Variants in RALGAPA2 observed in about 807,000 individuals in gnomAD.
The protein encoded by RALGAPA2 is Ral GTPase activating protein catalytic subunit alpha 2.
In RALGAPA2, 139 loss-of-function variants were observed where a neutral mutation model predicts 230.4. That is an observed-to-expected ratio of 0.60 (90% CI 0.53 to 0.69). The LOEUF (loss-of-function observed/expected upper bound fraction) is 0.69. Ranked by LOEUF, RALGAPA2 falls within the 30% of genes least tolerant of loss-of-function variation. The pLI is 0.00. For synonymous variants in RALGAPA2, 847 were observed against 837.8 expected, an observed-to-expected ratio of 1.01 and a Z score of -0.19; for missense variants, 2,163 against 2,276.0, an observed-to-expected ratio of 0.95 and a Z score of 1.01.
At chr20:20,577,675 T>C (rs751059478) in intron 20 of RALGAPA2, among the ~76,000 whole-genome samples, 1 of 152,152 alleles carries the variant, frequency 6.6e-6, no homozygotes, top group Non-Finnish European at 1.5e-5. Context: ...TGAAAAGGTA[T>C]GCTGAAGCAT....
At chr20:20,586,653 T>C (rs1160237813) in intron 18 of RALGAPA2, among the ~76,000 whole-genome samples, 2 of 152,164 alleles carry the variant, frequency 1.3e-5, no homozygotes, top group African/African-American at 4.8e-5. Context: ...AATTACAAGA[T>C]ATGCTTGAAA....
At chr20:20,532,374 C>G (rs1323972112) in intron 26 of RALGAPA2, among the ~76,000 whole-genome samples, 1 of 152,130 alleles carries the variant, frequency 6.6e-6, no homozygotes, top group Non-Finnish European at 1.5e-5. Context: ...TTTAACTACA[C>G]AGAAATTTGG....
intron 3 of RALGAPA2, among the ~76,000 whole-genome samples, chr20:20,671,503 T>A (rs1456401389): frequency 1.3e-5 from 2 of 152,218 alleles, no homozygotes; most frequent in African/African-American, 4.8e-5. Flanking sequence ...GGCACTATCC[T>A]ACAAAGCAGC....
chr20:20,393,131 A>G lies in RALGAPA2; in HGVS notation c.*158T>C, dbSNP rs568023668. ...GAAGACCTGCTGAGGGCACTAGTACAGCAACGAAATTTCCTGGAGATTCTG... is the reference window on the plus strand; with the variant it reads ...GAAGACCTGCTGAGGGCACTAGTACGGCAACGAAATTTCCTGGAGATTCTG... On this transcript the variant is annotated 3_prime_UTR_variant, in exon 40 of 40. Coordinates refer to ENST00000202677, the MANE Select transcript of RALGAPA2 (RefSeq NM_020343.4). 9.6e-6 allele frequency: 13 copies of G among 1,360,810 alleles called. No homozygotes were observed. In the African/African-American group the frequency reaches 1.8e-4, roughly 19 times the overall value. The allele number at this position is 1,360,810 out of a possible 1,614,324, so 84.3% of individuals were successfully genotyped here.
At chr20:20,651,447 A>T (rs1164908259) in intron 4 of RALGAPA2, among the ~76,000 whole-genome samples, 2 of 152,190 alleles carry the variant, frequency 1.3e-5, no homozygotes, top group African/African-American at 4.8e-5. Context: ...TGTTCTGCAC[A>T]CCAGATAAAC....
intron 20 of RALGAPA2, among the ~76,000 whole-genome samples, chr20:20,577,643 C>T (rs1298091285): frequency 6.6e-6 from 1 of 152,116 alleles, no homozygotes; most frequent in African/African-American, 2.4e-5. Flanking sequence ...AAAGTAAGTA[C>T]AATATCAGGC....
intron 24 of RALGAPA2, among the ~76,000 whole-genome samples, chr20:20,543,736 G>A (rs963666752): frequency 3.9e-5 from 6 of 152,030 alleles, no homozygotes; most frequent in African/African-American, 1.2e-4. Context: ...GTCGTGGGGC[G>A]GGGGGAGCGG....
intron 20 of RALGAPA2, among the ~76,000 whole-genome samples, chr20:20,577,820 T>C (rs2064867074): frequency 6.6e-6 from 1 of 152,112 alleles, no homozygotes; most frequent in South Asian, 2.1e-4. Flanking sequence ...GATTAGATAA[T>C]TTACAGCTTT....
chr20:20,503,400 T>C lies in RALGAPA2; in HGVS notation c.5159A>G (p.His1720Arg), dbSNP rs762443862. ...GTCTGACGGCATTCGAGTGGAAACA[T>C]GGAAAATCACTTCCACAGTTGAGGT... The part of the protein sequence containing the change: ...YATSTVEVIF[H>R]VSTRMPSDSD... Residue 1720 changes from histidine to arginine, a missense_variant, in exon 35 of 40, where the codon CAT becomes CGT. His to Arg is a conservative substitution (Grantham distance 29). Coordinates refer to ENST00000202677, the MANE Select transcript of RALGAPA2 (RefSeq NM_020343.4). 8.1e-6 allele frequency: 13 copies of C among 1,605,592 alleles called. No individual in the cohort carries two copies. The highest frequency in any genetic ancestry group is 1.3e-5 in the African/African-American group (1 of 74,348).
At chr20:20,494,565 T>A (rs954793423) in intron 36 of RALGAPA2, among the ~76,000 whole-genome samples, 1 of 152,222 alleles carries the variant, frequency 6.6e-6, no homozygotes, top group Non-Finnish European at 1.5e-5. Context: ...CATGGCTGAA[T>A]TGATTCTGCA....
chr20:20,580,605 GGTAC>G (rs1338725277), intron 20 of RALGAPA2, among the ~76,000 whole-genome samples: 1 of 152,072 alleles, frequency 6.6e-6, no homozygotes, highest in East Asian at 1.9e-4. Flanking sequence ...TCTGCCTCCT[GGTAC>G]TTCCCTGCAT....
chr20:20,635,590 A>G lies in RALGAPA2; in HGVS notation c.833T>C (p.Val278Ala). The G allele has an allele frequency of 1.3e-6, 2 of 1,571,436 alleles. No individual in the cohort carries two copies. Among genetic ancestry groups the G allele is most frequent in the Non-Finnish European group, 1.7e-6 (2 of 1,165,692 alleles). The change falls in exon 9 of 40, where the codon GTG (valine) becomes GCG (alanine). Residue 278 changes from valine (V) to alanine (A), a missense_variant. Transcript: ENST00000202677. ...LDIPHLRPKP[V>A]YITTTRDNEN... is the part of the protein sequence containing the mutation. ...ATTGTCTCGAGTGGTAGTAATGTAC[A>G]CAGGCTTTGGTCTCAAATGGGGGAT...
intron 1 of RALGAPA2, among the ~76,000 whole-genome samples, chr20:20,708,272 A>C (rs1435421504): frequency 6.6e-6 from 1 of 152,202 alleles, no homozygotes; most frequent in Non-Finnish European, 1.5e-5. Flanking sequence ...GGCTTACATT[A>C]TATCTCTATT....
At chr20:20,459,387 T>C (rs2061247541) in intron 37 of RALGAPA2, among the ~76,000 whole-genome samples, 1 of 151,882 alleles carries the variant, frequency 6.6e-6, no homozygotes, top group African/African-American at 2.4e-5. Flanking sequence ...TAAATCAGTA[T>C]ATGCACTACT....
intron 23 of RALGAPA2, among the ~76,000 whole-genome samples, chr20:20,559,253 G>T (rs1351200219): frequency 2.0e-5 from 3 of 152,122 alleles, no homozygotes; most frequent in Non-Finnish European, 4.4e-5. Context: ...TCAATTTTGG[G>T]ACTCTACCGA....
At chr20:20,544,986 T>C (rs2063742980) in intron 24 of RALGAPA2, among the ~76,000 whole-genome samples, 1 of 151,936 alleles carries the variant, frequency 6.6e-6, no homozygotes, top group East Asian at 1.9e-4. Context: ...AACTTGCACG[T>C]TCTACACATG....
At chr20:20,671,943 G>A (rs757323226) in intron 3 of RALGAPA2, among the ~76,000 whole-genome samples, 37 of 152,186 alleles carry the variant, frequency 2.4e-4, no homozygotes, top group East Asian at 5.8e-4. Flanking sequence ...GAGGAGCAAA[G>A]AGGGAAGAAG....
chr20:20,636,784 G>A (rs571700532), intron 8 of RALGAPA2, among the ~76,000 whole-genome samples: 78 of 152,230 alleles, frequency 5.1e-4, no homozygotes, highest in African/African-American at 1.8e-3. Context: ...TCTGTCCTGT[G>A]AGTCCTCATT....
At position 20,619,340 on chromosome 20, in the gene RALGAPA2, G is replaced by A; in HGVS notation, c.1476C>T (p.Ser492=). Residue 492 remains serine (S), a synonymous_variant, in exon 12 of 40, where the codon AGC becomes AGT. Coordinates refer to ENST00000202677, the MANE Select transcript of RALGAPA2 (RefSeq NM_020343.4). ...TTTCCTCCTCTGTCACACACCCTCT[G>A]CTCATTGCACTTGTGAAGGAGTATG... ...GRTYSFTSAM[S]RGCVTEEENT... is the part of the protein sequence containing the mutation. 1 of 1,612,250 alleles carries A rather than the reference G, an allele frequency of 6.2e-7. No homozygotes were observed. The highest frequency in any genetic ancestry group is 8.5e-7 in the Non-Finnish European group (1 of 1,178,846).
Sources: gnomAD v4.1 joint callset for allele counts (sites outside exome capture counted in the v4.1 genomes callset) on GRCh38, gnomAD v4.1.1 for gene constraint, MANE v1.5 for transcripts, NCBI Gene and HGNC (gene_info 2026-07-23, HGNC 2026-07-21) for gene names.